The following ANAPC1 variants were observed in gnomAD, a reference collection of about 807,000 sequenced individuals.
ANAPC1 encodes the protein anaphase promoting complex subunit 1.
Under a neutral mutation model 208.0 loss-of-function variants are expected in ANAPC1, and 36 were observed. That is an observed-to-expected ratio of 0.17 (90% CI 0.13 to 0.23). The LOEUF (loss-of-function observed/expected upper bound fraction) is 0.23. Ranked by LOEUF, ANAPC1 falls within the 10% of genes least tolerant of loss-of-function variation. The probability of loss-of-function intolerance (pLI) is 1.00; values close to 1 mark genes in which losing one functional copy is unlikely to be tolerated. For missense variants in ANAPC1, 942 were observed against 2,011.6 expected (o/e 0.47, Z 10.17); for synonymous variants, 378 against 695.2 (o/e 0.54, Z 7.18).
At chr2:111,798,754 G>A (rs1365565796) in intron 34 of ANAPC1, among the ~76,000 whole-genome samples, 1 of 152,204 alleles carries the variant, frequency 6.6e-6, no homozygotes, top group Admixed American at 6.5e-5. Flanking sequence ...AATCTGACAG[G>A]CCAGGCGTGG....
At chr2:111,854,152 G>A (rs6738867) in intron 13 of ANAPC1, among the ~76,000 whole-genome samples, 88,408 of 152,004 alleles carry the variant, frequency 0.58, 26,643 homozygotes, top group South Asian at 0.69. Context: ...AGATGTGTCA[G>A]CAGGCATGAA....
chr2:111,862,697 A>G, intron 9 of ANAPC1, 99 bp from the exon 10 acceptor site: 1 of 1,480,292 alleles, frequency 6.8e-7, no homozygotes, highest in South Asian at 1.4e-5. Flanking sequence ...CAGACAGAAG[A>G]GCATTCATGG....
intron 38 of ANAPC1, among the ~76,000 whole-genome samples, chr2:111,790,615 G>C (rs1198421750): frequency 6.6e-6 from 1 of 152,008 alleles, no homozygotes; most frequent in Admixed American, 6.6e-5. Context: ...AAAACTTCTA[G>C]AAGATAAGAT....
At chr2:111,773,719 G>C (rs1264035020) in intron 46 of ANAPC1, among the ~76,000 whole-genome samples, 1 of 151,972 alleles carries the variant, frequency 6.6e-6, no homozygotes, top group Non-Finnish European at 1.5e-5. Flanking sequence ...TCTAGGGAGG[G>C]AAAACAGCAT....
intron 1 of ANAPC1, among the ~76,000 whole-genome samples, chr2:111,881,462 C>T (rs1221954146): frequency 6.6e-6 from 1 of 152,040 alleles, no homozygotes; most frequent in Non-Finnish European, 1.5e-5. Context: ...CCCAAAGAAC[C>T]GAGGCATGAA....
At chr2:111,859,287 A>G (rs570916317) in intron 10 of ANAPC1, among the ~76,000 whole-genome samples, 1 of 152,286 alleles carries the variant, frequency 6.6e-6, no homozygotes, top group South Asian at 2.1e-4. Context: ...GTTCAAGACC[A>G]GCCTGACCAA....
chr2:111,792,762 C>T (rs1380005415), intron 37 of ANAPC1, among the ~76,000 whole-genome samples: 1 of 151,874 alleles, frequency 6.6e-6, no homozygotes, highest in African/African-American at 2.4e-5. Flanking sequence ...ACCATCCCGG[C>T]TAACATGGTG....
chr2:111,824,796 T>C (rs1573399567), intron 24 of ANAPC1, among the ~76,000 whole-genome samples, 170 bp downstream of exon 24: 1 of 152,194 alleles, frequency 6.6e-6, no homozygotes, highest in Non-Finnish European at 1.5e-5. Flanking sequence ...AATATTATTA[T>C]ATGAAAGTTG....
intron 10 of ANAPC1, among the ~76,000 whole-genome samples, chr2:111,859,002 T>C (rs1681903413): frequency 6.6e-6 from 1 of 152,192 alleles, no homozygotes; most frequent in African/African-American, 2.4e-5. Context: ...GCTCCCTACT[T>C]GTAAAGTAAT....
At chr2:111,826,673 T>TTA (rs1558696230) in intron 21 of ANAPC1, among the ~76,000 whole-genome samples, 1 of 141,364 alleles carries the variant, frequency 7.1e-6, no homozygotes, top group African/African-American at 2.8e-5. Context: ...TTATTTTTTT[T>TTA]TTTTTTGAGA....
At chr2:111,873,477 A>G in intron 4 of ANAPC1, 69 bp from the exon 5 acceptor site, 1 of 1,548,460 alleles carries the variant, frequency 6.5e-7, no homozygotes, top group African/African-American at 1.4e-5. Context: ...TAACAGCACA[A>G]ATTATTTAAT....
rs749635943 is a variant in ANAPC1 at position 111,883,534 on chromosome 2, C to CAAA, written c.-25+405_-25+407dup. ...ATGATTCCTACAAACACTACCCTGCCAAAAAAAAAAAAAAGAGACCCAAAT... is the reference window on the plus strand; with the variant it reads ...ATGATTCCTACAAACACTACCCTGCCAAAAAAAAAAAAAAAAAGAGACCCAAAT... On this transcript the variant is annotated intron_variant, in intron 1 of 47. Coordinates refer to ENST00000341068, the MANE Select transcript of ANAPC1 (RefSeq NM_022662.4). Among the ~76,000 whole-genome samples, 104 of 124,402 alleles carry CAAA rather than the reference C, an allele frequency of 8.4e-4. 2 individuals are homozygous for CAAA. The highest frequency in any genetic ancestry group is 2.8e-3 in the African/African-American group (97 of 34,356). The allele number at this position is 124,402 out of a possible 152,430, so 81.6% of individuals were successfully genotyped here.
chr2:111,850,332 T>C (rs182561266), intron 14 of ANAPC1, among the ~76,000 whole-genome samples: 352 of 152,174 alleles, frequency 2.3e-3, no homozygotes, highest in Non-Finnish European at 3.6e-3. Context: ...CCTACAGATA[T>C]CCTACTCAAC....
At chr2:111,837,294 T>C (rs1302408002) in intron 18 of ANAPC1, among the ~76,000 whole-genome samples, 2 of 152,164 alleles carry the variant, frequency 1.3e-5, no homozygotes. Context: ...TTCAGATCAG[T>C]GATTGCTAGA....
chr2:111,872,270 T>C (rs868093682), intron 6 of ANAPC1, among the ~76,000 whole-genome samples: 4 of 152,358 alleles, frequency 2.6e-5, no homozygotes, highest in South Asian at 2.1e-4. Flanking sequence ...GTTTATGTGA[T>C]GTGTCACATT....
intron 17 of ANAPC1, among the ~76,000 whole-genome samples, chr2:111,842,917 G>A (rs1680846364): frequency 6.6e-6 from 1 of 152,154 alleles, no homozygotes; most frequent in African/African-American, 2.4e-5. Context: ...CATTAACAGA[G>A]TAGATACTCA....
intron 3 of ANAPC1, among the ~76,000 whole-genome samples, chr2:111,878,301 G>A (rs1393282181): frequency 2.0e-5 from 3 of 152,180 alleles, no homozygotes; most frequent in African/African-American, 7.2e-5. Context: ...ATCAAATGGA[G>A]ATGAACTGCA....
At chr2:111,874,693 A>G (rs1682931421) in intron 3 of ANAPC1, among the ~76,000 whole-genome samples, 1 of 152,204 alleles carries the variant, frequency 6.6e-6, no homozygotes, top group South Asian at 2.1e-4. Flanking sequence ...GGTTGTTTCT[A>G]CCTTTTGGCT....
At chr2:111,824,932 C>T (rs1260626537) in intron 24 of ANAPC1, 34 bp downstream of exon 24, 14 of 1,612,256 alleles carry the variant, frequency 8.7e-6, no homozygotes, top group African/African-American at 8.0e-5. Context: ...GGAGGAAGCA[C>T]GGCCTAGTTA....
Sources: gnomAD v4.1 joint callset for allele counts (sites outside exome capture counted in the v4.1 genomes callset) on GRCh38, gnomAD v4.1.1 for gene constraint, MANE v1.5 for transcripts, NCBI Gene and HGNC (gene_info 2026-07-23, HGNC 2026-07-21) for gene names.